The following CDH12 variants were observed in gnomAD, a reference collection of about 807,000 sequenced individuals.
The protein encoded by CDH12 is cadherin 12, also known as cadherin-12.
Under a neutral mutation model 74.1 loss-of-function variants are expected in CDH12, and 41 were observed. The ratio of observed to expected loss-of-function variants is 0.55; its 90% CI spans 0.43 to 0.72. The LOEUF is 0.72. Among genes scored for constraint, CDH12 ranks in the 30% least tolerant of loss-of-function variants. The pLI, the probability that CDH12 is intolerant of heterozygous loss-of-function variation, is 0.00. For missense variants in CDH12, 945 were observed against 977.2 expected, an observed-to-expected ratio of 0.97 and a Z score of 0.44; for synonymous variants, 399 against 355.0, an observed-to-expected ratio of 1.12 and a Z score of -1.39.
intron 6 of CDH12, among the ~76,000 whole-genome samples, chr5:21,880,572 T>TTTCC (rs70957076): frequency 0.033 from 425 of 12,896 alleles, 42 homozygotes; most frequent in Middle Eastern, 0.15. Flanking sequence ...CCCTTCTTTC[T>TTTCC]TTCCTTCCTT....
At chr5:21,876,712 T>C (rs1751956301) in intron 6 of CDH12, among the ~76,000 whole-genome samples, 1 of 93,880 alleles carries the variant, frequency 1.1e-5, no homozygotes. Context: ...ACATTTGTCT[T>C]TCAAAAATGT....
chr5:22,098,082 A>G (rs150010113), intron 4 of CDH12, among the ~76,000 whole-genome samples: 1,958 of 152,162 alleles, frequency 0.013, 30 homozygotes, highest in African/African-American at 0.035. Context: ...TCTGTTCTAG[A>G]TCTCAAACAT....
intron 6 of CDH12, among the ~76,000 whole-genome samples, chr5:21,863,072 G>A (rs1331584981): frequency 1.3e-5 from 2 of 151,994 alleles, no homozygotes; most frequent in Non-Finnish European, 2.9e-5. Flanking sequence ...AGCTCTAAGG[G>A]GTTTCTATCC....
chr5:22,373,169 A>G (rs1384496331), intron 3 of CDH12, among the ~76,000 whole-genome samples: 1 of 152,116 alleles, frequency 6.6e-6, no homozygotes, highest in Non-Finnish European at 1.5e-5. Context: ...AGGGGCCTGG[A>G]TATCCTCCAG....
At chr5:22,542,879 A>G in intron 1 of CDH12, among the ~76,000 whole-genome samples, 1 of 152,158 alleles carries the variant, frequency 6.6e-6, no homozygotes, top group East Asian at 1.9e-4. Context: ...TTTGACAGTC[A>G]CATTTAAATA....
chr5:22,224,909 G>C (rs1334846971), intron 3 of CDH12, among the ~76,000 whole-genome samples: 3 of 151,430 alleles, frequency 2.0e-5, no homozygotes, highest in Admixed American at 2.0e-4. Flanking sequence ...TTTCCCAAAA[G>C]TGTATCTCTA....
chr5:22,722,580 TACTC>T lies in CDH12; in HGVS notation c.-523+130474_-523+130477del, dbSNP rs537129149. On this transcript the variant is annotated intron_variant, in intron 1 of 14. Coordinates refer to ENST00000382254, the MANE Select transcript of CDH12 (RefSeq NM_004061.5). Reference sequence around the variant, plus strand: ...ATCAAGAGCCTACAATTGATTTAAATACTCACAAGTTCAAGTGATATAGATGAAT... The same window carrying T: ...ATCAAGAGCCTACAATTGATTTAAATACAAGTTCAAGTGATATAGATGAAT... 6.1e-3 allele frequency among the ~76,000 whole-genome samples: 924 copies of T among 152,328 alleles called. 7 individuals carry two copies. Among genetic ancestry groups the T allele is most frequent in the Middle Eastern group, 0.027 (8 of 294 alleles).
chr5:22,060,203 C>A (rs993566225), intron 5 of CDH12, among the ~76,000 whole-genome samples: 1 of 151,338 alleles, frequency 6.6e-6, no homozygotes, highest in Non-Finnish European at 1.5e-5. Flanking sequence ...TCATCCTCAG[C>A]AAACTAACAC....
At chr5:21,754,880 T>C (rs1465468481) in intron 14 of CDH12, among the ~76,000 whole-genome samples, 6 of 152,210 alleles carry the variant, frequency 3.9e-5, no homozygotes, top group Non-Finnish European at 8.8e-5. Context: ...ACAGAGTTCA[T>C]GGAAGAGGGA....
At chr5:21,889,848 G>T in intron 6 of CDH12, 1 of 985,296 alleles carries the variant, frequency 1.0e-6, no homozygotes, top group African/African-American at 1.7e-5. Context: ...AACCCTCTTT[G>T]TGTTAGCATC....
At chr5:22,687,629 G>T (rs367870592) in intron 1 of CDH12, among the ~76,000 whole-genome samples, 1 of 151,932 alleles carries the variant, frequency 6.6e-6, no homozygotes, top group African/African-American at 2.4e-5. Context: ...TGCCCAGACC[G>T]GTCTTGAGCT....
intron 4 of CDH12, among the ~76,000 whole-genome samples, chr5:22,166,404 T>C (rs187844796): frequency 1.5e-3 from 229 of 152,316 alleles, no homozygotes; most frequent in Middle Eastern, 3.4e-3. Context: ...AATGGGTTTT[T>C]TTGCTTATGC....
chr5:22,475,519 C>T (rs752823319), intron 2 of CDH12, among the ~76,000 whole-genome samples: 2 of 151,794 alleles, frequency 1.3e-5, no homozygotes, highest in African/African-American at 4.8e-5. Context: ...GGATGCACCA[C>T]GATACTGAAT....
At chr5:22,223,733 G>T (rs1201564148) in intron 3 of CDH12, among the ~76,000 whole-genome samples, 1 of 151,968 alleles carries the variant, frequency 6.6e-6, no homozygotes, top group African/African-American at 2.4e-5. Context: ...GAAGAAGGCA[G>T]CATCATTAGT....
chr5:21,994,300 A>T (rs1736141452), intron 5 of CDH12, among the ~76,000 whole-genome samples: 1 of 137,200 alleles, frequency 7.3e-6, no homozygotes, highest in African/African-American at 3.4e-5. Flanking sequence ...AGACAGAGGT[A>T]AGAAAATTAA....
chr5:22,625,767 T>A (rs547993423), intron 1 of CDH12, among the ~76,000 whole-genome samples: 26 of 152,204 alleles, frequency 1.7e-4, no homozygotes, highest in African/African-American at 5.8e-4. Flanking sequence ...GAGGCCCTCA[T>A]CATAGCTCCT....
intron 6 of CDH12, chr5:21,884,252 G>A (rs1167512239): frequency 6.6e-7 from 1 of 1,510,478 alleles, no homozygotes; most frequent in Non-Finnish European, 9.2e-7. Flanking sequence ...AAGAAGAGAA[G>A]GACCCTGGAA....
At chr5:22,436,380 G>A (rs1744395104) in intron 2 of CDH12, among the ~76,000 whole-genome samples, 1 of 149,380 alleles carries the variant, frequency 6.7e-6, no homozygotes, top group African/African-American at 2.5e-5. Flanking sequence ...CATGGCAGAT[G>A]TATACATATG....
At chr5:22,456,429 A>T (rs577021607) in intron 2 of CDH12, among the ~76,000 whole-genome samples, 1 of 152,214 alleles carries the variant, frequency 6.6e-6, no homozygotes, top group Admixed American at 6.5e-5. Context: ...GGAACTTCAC[A>T]TGCTGATACT....
Sources: allele counts gnomAD v4.1 joint callset (sites outside exome capture counted in the v4.1 genomes callset), GRCh38; gene constraint gnomAD v4.1.1; transcripts MANE v1.5; gene names NCBI Gene and HGNC (gene_info 2026-07-23, HGNC 2026-07-21).